DENND1B: variants seen among roughly 807,000 people sequenced by gnomAD.
The protein encoded by DENND1B is DENN domain-containing protein 1B.
In DENND1B, 59 loss-of-function variants were observed where a neutral mutation model predicts 90.1. The ratio of observed to expected loss-of-function variants is 0.65; its 90% CI spans 0.53 to 0.81. DENND1B has a LOEUF of 0.81. DENND1B is among the 40% of genes least tolerant of loss of function. The pLI is 0.00. For synonymous variants in DENND1B, 337 were observed against 324.6 expected (o/e 1.04, Z -0.41); for missense variants, 862 against 912.6 (o/e 0.94, Z 0.71).
intron 16 of DENND1B, among the ~76,000 whole-genome samples, chr1:197,548,913 C>A (rs1182910078): frequency 6.6e-6 from 1 of 151,934 alleles, no homozygotes; most frequent in African/African-American, 2.4e-5. Flanking sequence ...TAGGTAGATT[C>A]CTATTTTAAA....
chr1:197,553,106 C>A lies in DENND1B; in HGVS notation c.1156G>T (p.Asp386Tyr). Residue 386 changes from aspartate to tyrosine, a missense_variant, in exon 16 of 23, where the codon GAT becomes TAT. Asp to Tyr is a radical substitution (Grantham distance 160, BLOSUM62 -3). Coordinates refer to ENST00000620048, the MANE Select transcript of DENND1B (RefSeq NM_001195215.2). ...INLQLFKQFI[D>Y]GRLAKLNAGR... The stretch of plus-strand genomic sequence containing the variant: ...GCATTTAGTTTTGCCAGTCGACCAT[C>A]GATAAACTAGAATTAAAAAGTGTCA... 6.6e-7 allele frequency: 1 copy of A among 1,517,622 alleles called. No homozygotes were observed. The allele number at this position is 1,517,622 out of a possible 1,614,324, so 94.0% of individuals were successfully genotyped here.
upstream of DENND1B, among the ~76,000 whole-genome samples, chr1:197,780,474 T>G (rs916931605): frequency 1.3e-5 from 2 of 151,930 alleles, no homozygotes; most frequent in Non-Finnish European, 2.9e-5. Context: ...TACAGGCACC[T>G]GCCATCACGC....
In DENND1B at chr1:197,613,855, T is replaced by C. The variant is rs1422116278; in HGVS notation, c.774-1879A>G. ...AAGATTTATAATACAGAAAAGCCCA[T>C]GCTGTCTGAAATTTCAAAGTACATT... On this transcript the variant is annotated intron_variant, in intron 11 of 22. Transcript: ENST00000620048. 2.6e-5 allele frequency among the ~76,000 whole-genome samples: 4 copies of C among 150,960 alleles called. 1 individual carries two copies. The South Asian group carries it at 8.3e-4, about 31-fold the overall frequency.
At chr1:197,701,564 T>C (rs1659034584) in intron 3 of DENND1B, among the ~76,000 whole-genome samples, 1 of 151,192 alleles carries the variant, frequency 6.6e-6, no homozygotes, top group South Asian at 2.1e-4. Flanking sequence ...TTTTTTTTTT[T>C]AAGAAAGAAG....
At chr1:197,542,937 A>ATTTATTTAT in intron 18 of DENND1B, among the ~76,000 whole-genome samples, 1 of 151,374 alleles carries the variant, frequency 6.6e-6, no homozygotes, top group African/African-American at 2.4e-5. Flanking sequence ...TTATTTATTT[A>ATTTATTTAT]TTTATTTTTT....
intron 13 of DENND1B, among the ~76,000 whole-genome samples, chr1:197,600,693 A>C (rs1676126599): frequency 1.3e-5 from 2 of 151,678 alleles, no homozygotes; most frequent in Non-Finnish European, 2.9e-5. Context: ...AGTATAAAGG[A>C]TAATAAACAG....
intron 9 of DENND1B, 131 bp from the exon 10 acceptor site, chr1:197,642,952 T>A (rs1403981289): frequency 1.7e-6 from 1 of 600,300 alleles, no homozygotes; most frequent in African/African-American, 1.9e-5. Context: ...ATTAAAATAA[T>A]TAAGTGTAAT....
At chr1:197,602,228 C>A (rs1464083658) in intron 13 of DENND1B, among the ~76,000 whole-genome samples, 6 of 151,422 alleles carry the variant, frequency 4.0e-5, no homozygotes, top group Non-Finnish European at 7.4e-5. Context: ...GTTTCTATTA[C>A]AAAAGATAAA....
intron 3 of DENND1B, among the ~76,000 whole-genome samples, chr1:197,678,969 C>T (rs1265486526): frequency 6.6e-6 from 1 of 152,062 alleles, no homozygotes; most frequent in Admixed American, 6.6e-5. Flanking sequence ...AAATAAATCC[C>T]TATTTTACCC....
chr1:197,551,141 AAT>A (rs1437045991), intron 16 of DENND1B, among the ~76,000 whole-genome samples: 1 of 151,696 alleles, frequency 6.6e-6, no homozygotes, highest in Non-Finnish European at 1.5e-5. Context: ...TCTTCTAATT[AAT>A]AGTTAGAACA....
intron 11 of DENND1B, among the ~76,000 whole-genome samples, chr1:197,613,679 C>T (rs4915558): frequency 0.16 from 24,095 of 149,746 alleles, 2,212 homozygotes; most frequent in Non-Finnish European, 0.2. Flanking sequence ...CAAATCTAGG[C>T]TTCCACAACA....
intron 7 of DENND1B, among the ~76,000 whole-genome samples, chr1:197,649,246 T>C (rs1403358645): frequency 1.3e-5 from 2 of 152,158 alleles, no homozygotes; most frequent in African/African-American, 4.8e-5. Context: ...CCTGAAAGCC[T>C]GGCCAACGTT....
chr1:197,722,534 T>C (rs1661281176), intron 2 of DENND1B, among the ~76,000 whole-genome samples: 1 of 152,168 alleles, frequency 6.6e-6, no homozygotes, highest in Non-Finnish European at 1.5e-5. Context: ...AAGCCAAATA[T>C]TTGTATTTTG....
intron 5 of DENND1B, among the ~76,000 whole-genome samples, chr1:197,663,917 T>A (rs1654668275): frequency 6.6e-6 from 1 of 152,010 alleles, no homozygotes; most frequent in South Asian, 2.1e-4. Flanking sequence ...GTCCAGTAAT[T>A]CCAATTTTAA....
At chr1:197,747,230 C>A in intron 2 of DENND1B, 1 of 667,980 alleles carries the variant, frequency 1.5e-6, no homozygotes, top group Non-Finnish European at 2.8e-6. Flanking sequence ...TTCTACATAT[C>A]TAGGGGAATT....
chr1:197,740,144 G>A (rs1212236008), intron 2 of DENND1B, among the ~76,000 whole-genome samples: 1 of 152,166 alleles, frequency 6.6e-6, no homozygotes, highest in East Asian at 1.9e-4. Flanking sequence ...CACTGACAAT[G>A]AGCAAAAACT....
chr1:197,551,545 C>T (rs1671242628), intron 16 of DENND1B, among the ~76,000 whole-genome samples: 1 of 151,664 alleles, frequency 6.6e-6, no homozygotes, highest in Non-Finnish European at 1.5e-5. Context: ...TTTAGTGGGC[C>T]CTCCCACCAG....
At chr1:197,589,418 T>G (rs2125791017) in intron 14 of DENND1B, among the ~76,000 whole-genome samples, 1 of 152,274 alleles carries the variant, frequency 6.6e-6, no homozygotes, top group South Asian at 2.1e-4. Flanking sequence ...GGTAACCATC[T>G]CTCAAGTCAA....
chr1:197,657,235 C>T (rs530398891), intron 6 of DENND1B, among the ~76,000 whole-genome samples: 2 of 152,212 alleles, frequency 1.3e-5, no homozygotes, highest in South Asian at 4.1e-4. Flanking sequence ...AAAAACGCAA[C>T]ATGATTTAAA....
Sources: gnomAD v4.1 joint callset for allele counts (sites outside exome capture counted in the v4.1 genomes callset) on GRCh38, gnomAD v4.1.1 for gene constraint, MANE v1.5 for transcripts, NCBI Gene and HGNC (gene_info 2026-07-23, HGNC 2026-07-21) for gene names.